The following CSMD1 variants were observed in gnomAD, a reference collection of about 807,000 sequenced individuals.
CSMD1 encodes the protein CUB and Sushi multiple domains 1.
Under a neutral mutation model 417.5 loss-of-function variants are expected in CSMD1, and 213 were observed. That is an observed-to-expected ratio of 0.51 (90% CI 0.46 to 0.57). The LOEUF (loss-of-function observed/expected upper bound fraction) is 0.57. Among genes scored for constraint, CSMD1 ranks in the 20% least tolerant of loss-of-function variants. CSMD1 has a pLI of 0.00. For synonymous variants in CSMD1, 2,862 were observed against 1,736.8 expected, an observed-to-expected ratio of 1.65 and a Z score of -16.11; for missense variants, 6,923 against 4,529.7, an observed-to-expected ratio of 1.53 and a Z score of -15.17.
intron 16 of CSMD1, among the ~76,000 whole-genome samples, chr8:3,397,176 G>C (rs2840099): frequency 0.13 from 19,179 of 152,092 alleles, 1,459 homozygotes; most frequent in African/African-American, 0.2. Flanking sequence ...AGCTAACCCG[G>C]TTTCTGAGTG....
At chr8:3,602,974 C>G (rs1283800867) in intron 8 of CSMD1, among the ~76,000 whole-genome samples, 1 of 152,112 alleles carries the variant, frequency 6.6e-6, no homozygotes, top group Admixed American at 6.6e-5. Flanking sequence ...TACTTTTCTA[C>G]TACAGATATT....
intron 3 of CSMD1, among the ~76,000 whole-genome samples, chr8:4,204,762 C>G (rs532540296): frequency 1.3e-5 from 2 of 152,270 alleles, no homozygotes; most frequent in South Asian, 4.2e-4. Context: ...TCAATCAATC[C>G]TCCTGCCTCA....
At chr8:3,107,834 A>G (rs767336530) in intron 44 of CSMD1, 36 bp from the exon 45 acceptor site, 2 of 1,331,062 alleles carry the variant, frequency 1.5e-6, no homozygotes, top group Middle Eastern at 1.8e-4. Flanking sequence ...AATAATTGCA[A>G]TTACACTTGC....
chr8:4,040,991 T>G (rs1797856771), intron 3 of CSMD1, among the ~76,000 whole-genome samples: 1 of 113,930 alleles, frequency 8.8e-6, no homozygotes, highest in Non-Finnish European at 1.7e-5. Context: ...TGGTCCTATA[T>G]TTTCTTTTCT....
At chr8:3,220,330 A>G (rs563119343) in intron 28 of CSMD1, among the ~76,000 whole-genome samples, 59 of 152,062 alleles carry the variant, frequency 3.9e-4, no homozygotes, top group African/African-American at 1.4e-3. Flanking sequence ...TCTCTGCTCT[A>G]ATATTAACAT....
At chr8:4,580,913 C>T (rs539937730) in intron 2 of CSMD1, among the ~76,000 whole-genome samples, 4 of 152,250 alleles carry the variant, frequency 2.6e-5, no homozygotes, top group African/African-American at 7.2e-5. Context: ...TTGACATCAT[C>T]GGAAGTTCAA....
intron 5 of CSMD1, among the ~76,000 whole-genome samples, chr8:3,805,842 A>G (rs948107742): frequency 1.3e-5 from 2 of 152,130 alleles, no homozygotes; most frequent in African/African-American, 4.8e-5. Context: ...TTCCTTTATG[A>G]CAAAAATTTC....
At chr8:3,302,263 C>G (rs987006798) in intron 25 of CSMD1, among the ~76,000 whole-genome samples, 5 of 152,100 alleles carry the variant, frequency 3.3e-5, no homozygotes, top group Admixed American at 2.0e-4. Flanking sequence ...TTTTCAGATC[C>G]TGAAATAACT....
intron 3 of CSMD1, among the ~76,000 whole-genome samples, chr8:4,367,390 G>C (rs1048546504): frequency 6.6e-6 from 1 of 151,834 alleles, no homozygotes; most frequent in African/African-American, 2.4e-5. Context: ...TTTATTTCTG[G>C]GTCCTCTCTC....
intron 26 of CSMD1, among the ~76,000 whole-genome samples, chr8:3,257,282 C>T (rs1014841978): frequency 6.6e-6 from 1 of 152,188 alleles, no homozygotes; most frequent in Admixed American, 6.5e-5. Flanking sequence ...CAAAACCGTG[C>T]CACTGCACTC....
At chr8:4,060,776 A>C (rs866343172) in intron 3 of CSMD1, among the ~76,000 whole-genome samples, 12 of 152,144 alleles carry the variant, frequency 7.9e-5, no homozygotes, top group Non-Finnish European at 1.8e-4. Flanking sequence ...GTGGGACCAC[A>C]CAGGACCCTG....
At chr8:3,889,480 T>C (rs1806800462) in intron 5 of CSMD1, among the ~76,000 whole-genome samples, 1 of 113,874 alleles carries the variant, frequency 8.8e-6, no homozygotes, top group South Asian at 3.2e-4. Context: ...TATATATATA[T>C]ATATATATAT....
At chr8:3,644,455 G>A (rs975119293) in intron 7 of CSMD1, among the ~76,000 whole-genome samples, 1 of 152,178 alleles carries the variant, frequency 6.6e-6, no homozygotes, top group Admixed American at 6.5e-5. Flanking sequence ...AAAGAAAAGA[G>A]AGCAACTCTA....
At chr8:4,612,107 T>G (rs1451961569) in intron 2 of CSMD1, among the ~76,000 whole-genome samples, 1 of 152,092 alleles carries the variant, frequency 6.6e-6, no homozygotes, top group Non-Finnish European at 1.5e-5. Flanking sequence ...CACAGACTCT[T>G]TTCATGAAGG....
At chr8:2,999,467 T>C (rs1220962806) in intron 53 of CSMD1, among the ~76,000 whole-genome samples, 1 of 152,086 alleles carries the variant, frequency 6.6e-6, no homozygotes, top group East Asian at 1.9e-4. Flanking sequence ...TTTACCTCTT[T>C]CAAGTAAAAG....
chr8:4,189,126 T>A (rs1798864894), intron 3 of CSMD1, among the ~76,000 whole-genome samples: 1 of 152,272 alleles, frequency 6.6e-6, no homozygotes, highest in South Asian at 2.1e-4. Context: ...AAACATGCCC[T>A]GTAAACCAAG....
At chr8:3,452,200 C>G (rs1048504805) in intron 12 of CSMD1, among the ~76,000 whole-genome samples, 1 of 152,160 alleles carries the variant, frequency 6.6e-6, no homozygotes, top group African/African-American at 2.4e-5. Flanking sequence ...TGCTTATCAG[C>G]TTAAGGAGAT....
chr8:4,503,784 C>A (rs1030532), intron 2 of CSMD1, among the ~76,000 whole-genome samples: 3 of 152,074 alleles, frequency 2.0e-5, no homozygotes, highest in South Asian at 2.1e-4. Context: ...CTATCAGGCA[C>A]TGTGACAATG....
At chr8:4,367,350 TC>T (rs1306800749) in intron 3 of CSMD1, among the ~76,000 whole-genome samples, 1 of 152,166 alleles carries the variant, frequency 6.6e-6, no homozygotes, top group Non-Finnish European at 1.5e-5. Context: ...GTCAACTTTG[TC>T]AAAGATCACG....
Sources: allele counts gnomAD v4.1 joint callset (sites outside exome capture counted in the v4.1 genomes callset), GRCh38; gene constraint gnomAD v4.1.1; transcripts MANE v1.5; gene names NCBI Gene and HGNC (gene_info 2026-07-23, HGNC 2026-07-21).